FHOD3: variants seen among roughly 807,000 people sequenced by gnomAD.
The protein encoded by FHOD3 is formin homology 2 domain containing 3, also known as FH1/FH2 domain-containing protein 3.
In FHOD3, 90 loss-of-function variants were observed where a neutral mutation model predicts 173.0. That is an observed-to-expected ratio of 0.52 (90% CI 0.44 to 0.62). FHOD3 has a LOEUF of 0.62. FHOD3 is among the 20% of genes least tolerant of loss of function. The pLI, the probability that FHOD3 is intolerant of heterozygous loss-of-function variation, is 0.00. For synonymous variants in FHOD3, 828 were observed against 823.0 expected (o/e 1.01, Z -0.10); for missense variants, 1,945 against 2,034.7 (o/e 0.96, Z 0.85).
intron 6 of FHOD3, among the ~76,000 whole-genome samples, chr18:36,578,332 T>C (rs2058730690): frequency 6.6e-6 from 1 of 152,088 alleles, no homozygotes; most frequent in African/African-American, 2.4e-5. Flanking sequence ...AGCCACCCTT[T>C]ATAAAACCAT....
chr18:36,673,468 C>G (rs1312746941), intron 14 of FHOD3, among the ~76,000 whole-genome samples: 2 of 152,014 alleles, frequency 1.3e-5, no homozygotes, highest in African/African-American at 4.8e-5. Flanking sequence ...CAATGTAAGC[C>G]ATTTACTTTA....
At chr18:36,337,545 G>A (rs913016830) in intron 1 of FHOD3, among the ~76,000 whole-genome samples, 3 of 152,212 alleles carry the variant, frequency 2.0e-5, no homozygotes, top group African/African-American at 7.2e-5. Flanking sequence ...CTCTTTGGAA[G>A]GGCCATCCTT....
At chr18:36,368,756 G>A (rs1308423730) in intron 2 of FHOD3, among the ~76,000 whole-genome samples, 2 of 152,164 alleles carry the variant, frequency 1.3e-5, no homozygotes, top group Non-Finnish European at 2.9e-5. Context: ...TGAAGGAGAA[G>A]CAAAGGCACA....
In FHOD3 at chr18:36,512,496, A is replaced by C; in HGVS notation, c.464A>C (p.Lys155Thr). The change falls in exon 5 of 29, where the codon AAG (lysine) becomes ACG (threonine). Residue 155 changes from lysine (K) to threonine (T), a missense_variant. Around this residue, in one of 5 missense-constraint regions of FHOD3, gnomAD observed 245 missense variants for 267.7 expected, o/e 0.92. Transcript: ENST00000590592. ...VVAEGLTCLIKVGAEADQNYQ... is the reference protein window; with the variant it reads ...VVAEGLTCLITVGAEADQNYQ... ...GCTGAAGGTCTGACATGTTTGATCA[A>C]GGTGGGAGCTGAGGCTGATCAGAAC... The C allele has an allele frequency of 6.2e-7, 1 of 1,614,150 alleles. No homozygotes were observed.
chr18:36,362,985 C>A (rs529965282), intron 2 of FHOD3, among the ~76,000 whole-genome samples: 2 of 152,218 alleles, frequency 1.3e-5, no homozygotes, highest in African/African-American at 2.4e-5. Flanking sequence ...GGCAAAAGAT[C>A]TGAACAGATA....
intron 6 of FHOD3, among the ~76,000 whole-genome samples, chr18:36,580,405 G>C (rs1357231366): frequency 6.6e-6 from 1 of 152,230 alleles, no homozygotes; most frequent in African/African-American, 2.4e-5. Context: ...GAGGACAAGA[G>C]AGTGGAGCCA....
At chr18:36,588,848 G>A (rs968778959) in intron 6 of FHOD3, among the ~76,000 whole-genome samples, 2 of 152,148 alleles carry the variant, frequency 1.3e-5, no homozygotes, top group Non-Finnish European at 2.9e-5. Flanking sequence ...TCTTCCTGTG[G>A]GTTGACCTAG....
chr18:36,567,645 A>G (rs73429670), intron 5 of FHOD3, among the ~76,000 whole-genome samples: 1,998 of 152,358 alleles, frequency 0.013, 49 homozygotes, highest in African/African-American at 0.045. Flanking sequence ...ACTAGAACTT[A>G]GAATATTGAA....
chr18:36,642,611 TAAA>T (rs892190557), intron 10 of FHOD3, among the ~76,000 whole-genome samples: 8 of 144,692 alleles, frequency 5.5e-5, no homozygotes, highest in Non-Finnish European at 1.2e-4. Flanking sequence ...AAAAAAAAAT[TAAA>T]AAAATCCTAA....
At chr18:36,665,521 G>A (rs144555511) in intron 14 of FHOD3, among the ~76,000 whole-genome samples, 117 of 152,118 alleles carry the variant, frequency 7.7e-4, no homozygotes, top group African/African-American at 2.4e-3. Flanking sequence ...CTGGCAAAAG[G>A]TCTGGGAAAC....
chr18:36,631,507 A>G (rs1009699555), intron 10 of FHOD3, among the ~76,000 whole-genome samples: 1 of 152,232 alleles, frequency 6.6e-6, no homozygotes, highest in Non-Finnish European at 1.5e-5. Flanking sequence ...GATGAATATA[A>G]CAGTAACAGC....
At chr18:36,496,180 A>G (rs1341178581) in intron 3 of FHOD3, among the ~76,000 whole-genome samples, 1 of 152,214 alleles carries the variant, frequency 6.6e-6, no homozygotes, top group African/African-American at 2.4e-5. Context: ...AGGACACCTC[A>G]CATGGCATTG....
intron 16 of FHOD3, chr18:36,692,827 T>G: frequency 4.7e-6 from 1 of 213,822 alleles, no homozygotes; most frequent in Non-Finnish European, 9.5e-6. Flanking sequence ...CACCCACCCA[T>G]TTCACAGCTG....
At chr18:36,691,550 C>T (rs2038963066) in intron 16 of FHOD3, among the ~76,000 whole-genome samples, 1 of 151,636 alleles carries the variant, frequency 6.6e-6, no homozygotes. Context: ...GTGGCTTTTT[C>T]TTGCTGGCCC....
intron 10 of FHOD3, among the ~76,000 whole-genome samples, chr18:36,633,613 G>T (rs1165060059): frequency 6.6e-6 from 1 of 152,190 alleles, no homozygotes; most frequent in Admixed American, 6.5e-5. Context: ...AGATTACAGA[G>T]GCTCTGCTGG....
rs113859731 is a variant in FHOD3 at position 36,649,485 on chromosome 18, G to T, written c.1286+80G>T. The T allele has an allele frequency of 1.8e-5, 20 of 1,090,570 alleles. No individual in the cohort carries two copies. The African/African-American group carries it at 2.2e-4, about 12-fold the overall frequency. 67.6% of individuals were successfully genotyped at this position (1,090,570 alleles called of 1,614,324 possible). A position where few individuals can be genotyped will look rare whatever the true frequency, so the allele number is the denominator to read the frequency against. On this transcript the variant is annotated intron_variant, in intron 11 of 28. Transcript: ENST00000590592. ...AATGATAGTTCACTGCCTTCTAGTG[G>T]CCACCTCCCTTCCTCATTGACTCCC...
At chr18:36,726,063 T>C (rs2041049640) in intron 19 of FHOD3, among the ~76,000 whole-genome samples, 1 of 151,732 alleles carries the variant, frequency 6.6e-6, no homozygotes, top group African/African-American at 2.4e-5. Context: ...CTTATGGGGA[T>C]TTTGATAGGA....
intron 3 of FHOD3, among the ~76,000 whole-genome samples, chr18:36,482,858 C>CACACAGAGAG (rs1400178557): frequency 3.2e-4 from 42 of 130,454 alleles, no homozygotes; most frequent in Middle Eastern, 3.9e-3. Context: ...CACACACACA[C>CACACAGAGAG]AGAGAGAGAG....
intron 20 of FHOD3, among the ~76,000 whole-genome samples, chr18:36,737,518 C>T (rs2041697570): frequency 6.6e-6 from 1 of 152,130 alleles, no homozygotes; most frequent in Non-Finnish European, 1.5e-5. Context: ...AGGAACACTG[C>T]CACCACCTAT....
Sources: allele counts gnomAD v4.1 joint callset (sites outside exome capture counted in the v4.1 genomes callset), GRCh38; gene constraint gnomAD v4.1.1; regional missense constraint gnomAD v4.1.1; transcripts MANE v1.5; gene names NCBI Gene and HGNC (gene_info 2026-07-23, HGNC 2026-07-21).